Variants in ZNF521 observed in about 807,000 individuals in gnomAD.
ZNF521 encodes the protein LYST-interacting protein 3.
ZNF521 carries 14 observed loss-of-function variants against 105.5 expected under a neutral mutation model. The observed-to-expected ratio is 0.13, with a 90% CI of 0.09 to 0.21. ZNF521 has a LOEUF of 0.21. Ranked by LOEUF, ZNF521 falls within the 10% of genes least tolerant of loss-of-function variation. The pLI is 1.00. For missense variants in ZNF521, 1,233 were observed against 1,629.7 expected, an observed-to-expected ratio of 0.76 and a Z score of 4.19; for synonymous variants, 635 against 606.0, an observed-to-expected ratio of 1.05 and a Z score of -0.70.
chr18:25,328,947 G>C (rs760998637), intron 2 of ZNF521, among the ~76,000 whole-genome samples: 7 of 152,196 alleles, frequency 4.6e-5, no homozygotes, highest in Non-Finnish European at 7.3e-5. Flanking sequence ...AGAGTAGTTT[G>C]TAACTAACTA....
chr18:25,116,548 T>C (rs951967765), intron 5 of ZNF521, among the ~76,000 whole-genome samples: 5 of 152,126 alleles, frequency 3.3e-5, no homozygotes, highest in African/African-American at 1.2e-4. Flanking sequence ...CCACTTGGAT[T>C]GGCAGAATAA....
intron 2 of ZNF521, among the ~76,000 whole-genome samples, chr18:25,343,443 T>C (rs1046884401): frequency 1.3e-5 from 2 of 152,160 alleles, no homozygotes; most frequent in African/African-American, 4.8e-5. Flanking sequence ...ATAGACTATG[T>C]ATGTGTGTGT....
intron 3 of ZNF521, among the ~76,000 whole-genome samples, chr18:25,269,043 T>A (rs1909461840): frequency 6.8e-6 from 1 of 146,766 alleles, no homozygotes; most frequent in South Asian, 2.1e-4. Context: ...TCATCTCACA[T>A]GCAAAGACAT....
At chr18:25,100,611 T>A (rs1262973438) in intron 5 of ZNF521, among the ~76,000 whole-genome samples, 2 of 152,002 alleles carry the variant, frequency 1.3e-5, no homozygotes, top group African/African-American at 4.8e-5. Flanking sequence ...CAATACTGCA[T>A]GCTATTTGCA....
intron 4 of ZNF521, among the ~76,000 whole-genome samples, chr18:25,212,868 A>C (rs2036216905): frequency 6.6e-6 from 1 of 151,484 alleles, no homozygotes; most frequent in Non-Finnish European, 1.5e-5. Flanking sequence ...GTGAATAAAA[A>C]TCCAGTTGAC....
In ZNF521 at chr18:25,062,542, G is replaced by T; in HGVS notation, c.*170C>A. The T allele has an allele frequency of 2.4e-6, 2 of 837,656 alleles. No individual in the cohort carries two copies. Among genetic ancestry groups the T allele is most frequent in the Non-Finnish European group, 3.8e-6 (2 of 531,510 alleles). The allele number at this position is 837,656 out of a possible 1,614,324, so 51.9% of individuals were successfully genotyped here. A position where few individuals can be genotyped will look rare whatever the true frequency, so the allele number is the denominator to read the frequency against. The stretch of plus-strand genomic sequence containing the variant: ...TTTATATACAAGGGGTCTATCCGGT[G>T]CGCAAAAGTTCAAACACATGAACAT... On this transcript the variant is annotated 3_prime_UTR_variant, in exon 8 of 8. Transcript: ENST00000361524.
Position 25,089,457 on chromosome 18 carries a change from G to T in ZNF521, c.3906+8C>A, listed in dbSNP as rs1328006807. 2.5e-6 allele frequency: 4 copies of T among 1,603,370 alleles called. No individual in the cohort carries two copies. The highest frequency in any genetic ancestry group is 3.4e-6 in the Non-Finnish European group (4 of 1,170,396). On this transcript the variant is annotated splice_region_variant and intron_variant, in intron 7 of 7. Transcript: ENST00000361524. ...GTTCAATCCCAGTCCTCCCCATGAG[G>T]ACATTACCTGCAGCTCTGTTTGGAA...
At chr18:25,264,617 G>C (rs1294217342) in intron 3 of ZNF521, among the ~76,000 whole-genome samples, 1 of 152,190 alleles carries the variant, frequency 6.6e-6, no homozygotes, top group East Asian at 1.9e-4. Flanking sequence ...ATTTTGTCAA[G>C]ATCTCATTCC....
At chr18:25,347,047 T>G (rs1340188849) in intron 2 of ZNF521, among the ~76,000 whole-genome samples, 1 of 152,102 alleles carries the variant, frequency 6.6e-6, no homozygotes, top group Non-Finnish European at 1.5e-5. Flanking sequence ...GAAACTTCCA[T>G]CAGAGAGGCA....
intron 5 of ZNF521, among the ~76,000 whole-genome samples, chr18:25,106,073 A>C (rs1194154620): frequency 2.0e-5 from 3 of 152,146 alleles, no homozygotes; most frequent in Non-Finnish European, 4.4e-5. Context: ...CTTGGCATTA[A>C]AAAATCTGAC....
chr18:25,184,984 C>A (rs1003525606), intron 5 of ZNF521, among the ~76,000 whole-genome samples: 7 of 152,038 alleles, frequency 4.6e-5, no homozygotes. Flanking sequence ...AGACCAGGGG[C>A]GGGAAACAGG....
intron 5 of ZNF521, among the ~76,000 whole-genome samples, chr18:25,112,345 T>C (rs1482997604): frequency 6.6e-6 from 1 of 152,086 alleles, no homozygotes; most frequent in Non-Finnish European, 1.5e-5. Flanking sequence ...GTTCATCCCA[T>C]CAGGGCCCCT....
Position 25,062,407 on chromosome 18 carries a change from C to A in ZNF521, c.*305G>T. ...TCCTTAAAAATACTTTATCTTAAGCCATTTTGGTCATAGTCTTTTTTTTTT... is the reference window on the plus strand; with the variant it reads ...TCCTTAAAAATACTTTATCTTAAGCAATTTTGGTCATAGTCTTTTTTTTTT... On this transcript the variant is annotated 3_prime_UTR_variant, in exon 8 of 8. Coordinates refer to ENST00000361524, the MANE Select transcript of ZNF521 (RefSeq NM_015461.3). 2 of 334,236 alleles carry A rather than the reference C, an allele frequency of 6.0e-6. No individual in the cohort carries two copies. The highest frequency in any genetic ancestry group is 5.3e-6 in the Non-Finnish European group (1 of 188,870). The allele number at this position is 334,236 out of a possible 1,614,324, so 20.7% of individuals were successfully genotyped here.
chr18:25,273,083 C>G (rs1207459890), intron 3 of ZNF521, among the ~76,000 whole-genome samples: 1 of 150,982 alleles, frequency 6.6e-6, no homozygotes, highest in Non-Finnish European at 1.5e-5. Flanking sequence ...AAAATTTAGC[C>G]AGGCACGATG....
At chr18:25,299,451 A>T (rs1333486562) in intron 3 of ZNF521, among the ~76,000 whole-genome samples, 2 of 152,210 alleles carry the variant, frequency 1.3e-5, no homozygotes, top group African/African-American at 4.8e-5. Context: ...AAAATTCAAG[A>T]TTATGGTAAC....
chr18:25,331,093 C>G (rs181071050), intron 2 of ZNF521, among the ~76,000 whole-genome samples: 56 of 152,260 alleles, frequency 3.7e-4, no homozygotes, highest in African/African-American at 1.2e-3. Context: ...TTCCAACTAC[C>G]CTGATGCCTT....
At chr18:25,171,991 T>G (rs1166747121) in intron 5 of ZNF521, among the ~76,000 whole-genome samples, 2 of 151,390 alleles carry the variant, frequency 1.3e-5, no homozygotes, top group African/African-American at 4.8e-5. Flanking sequence ...TATAAGTTGA[T>G]ACACACCATA....
At chr18:25,351,892 A>AGCGGCAGCG (rs1555669429) in intron 1 of ZNF521, 113 bp downstream of exon 1, 5 of 275,678 alleles carry the variant, frequency 1.8e-5, no homozygotes, top group South Asian at 9.5e-5. Context: ...CGGCGGCAGC[A>AGCGGCAGCG]GCGGCGGCAG....
chr18:25,195,280 C>T lies in ZNF521; in HGVS notation c.3574-36G>A, dbSNP rs371107973. 13 of 1,448,886 alleles carry T rather than the reference C, an allele frequency of 9.0e-6. No homozygotes were observed. In the African/African-American group the frequency reaches 1.6e-4, roughly 18 times the overall value. The allele number at this position is 1,448,886 out of a possible 1,614,324, so 89.8% of individuals were successfully genotyped here. ...AAGTATAAACAGAGTTACTTAGACACATGGACTTTTAATTGTTTCTTTGTT... is the reference window on the plus strand; with the variant it reads ...AAGTATAAACAGAGTTACTTAGACATATGGACTTTTAATTGTTTCTTTGTT... On this transcript the variant is annotated intron_variant, in intron 4 of 7. Transcript: ENST00000361524.
Sources: allele counts gnomAD v4.1 joint callset (sites outside exome capture counted in the v4.1 genomes callset), GRCh38; gene constraint gnomAD v4.1.1; transcripts MANE v1.5; gene names NCBI Gene and HGNC (gene_info 2026-07-23, HGNC 2026-07-21).